The following XDH variants were observed in gnomAD, a reference collection of about 807,000 sequenced individuals.
XDH encodes xanthine dehydrogenase/oxidase.
XDH carries 138 observed loss-of-function variants against 156.1 expected under a neutral mutation model. The ratio of observed to expected loss-of-function variants is 0.88; its 90% CI spans 0.77 to 1.02. XDH has a LOEUF of 1.02. Ranked by LOEUF, XDH falls within the 50% of genes least tolerant of loss-of-function variation. XDH has a pLI of 0.00. For synonymous variants in XDH, 669 were observed against 625.7 expected, an observed-to-expected ratio of 1.07 and a Z score of -1.03; for missense variants, 1,849 against 1,684.9, an observed-to-expected ratio of 1.10 and a Z score of -1.71.
intron 9 of XDH, among the ~76,000 whole-genome samples, chr2:31,385,519 G>A (rs556249391): frequency 4.7e-4 from 72 of 152,330 alleles, no homozygotes; most frequent in African/African-American, 1.7e-3. Flanking sequence ...GGACCTGACT[G>A]CTTAGAAGGA....
In XDH at chr2:31,402,177, C is replaced by T. The variant is rs143779647; in HGVS notation, c.198-849G>A. Among the ~76,000 whole-genome samples the T allele has an allele frequency of 4.5e-3, 679 of 152,228 alleles. 4 individuals are homozygous for T. Among genetic ancestry groups the T allele is most frequent in the African/African-American group, 0.015 (618 of 41,536 alleles). On this transcript the variant is annotated intron_variant, in intron 3 of 35. Coordinates refer to ENST00000379416, the MANE Select transcript of XDH (RefSeq NM_000379.4). The stretch of plus-strand genomic sequence containing the variant: ...ATCTTTATATTAAAAAAAAGCCTTA[C>T]GATCAACCAATCAGAAGTAGTCAAC...
At chr2:31,385,114 T>A (rs372353743) in intron 9 of XDH, among the ~76,000 whole-genome samples, 1 of 152,248 alleles carries the variant, frequency 6.6e-6, no homozygotes, top group East Asian at 1.9e-4. Flanking sequence ...GGGGACCACA[T>A]GAGCCCATGA....
At chr2:31,350,595 C>G (rs1049201342) in intron 24 of XDH, among the ~76,000 whole-genome samples, 4 of 151,868 alleles carry the variant, frequency 2.6e-5, no homozygotes, top group Admixed American at 1.3e-4. Context: ...TGGAAGGTCT[C>G]GATCTCCTGA....
At chr2:31,338,603 C>T (rs1329791395) in intron 34 of XDH, among the ~76,000 whole-genome samples, 2 of 151,148 alleles carry the variant, frequency 1.3e-5, no homozygotes, top group African/African-American at 4.9e-5. Flanking sequence ...TGCCTTCCTT[C>T]TTCAAACTAG....
At chr2:31,364,971 G>A (rs1237888644) in intron 23 of XDH, among the ~76,000 whole-genome samples, 1 of 152,214 alleles carries the variant, frequency 6.6e-6, no homozygotes, top group East Asian at 1.9e-4. Context: ...CAGAAACCCA[G>A]AAGAGGGACT....
In XDH at chr2:31,346,969, C is replaced by T; in HGVS notation, c.3277-126G>A. 4.1e-6 allele frequency: 5 copies of T among 1,206,788 alleles called. No individual in the cohort carries two copies. In the South Asian group the frequency reaches 5.0e-5, roughly 12 times the overall value. The allele number at this position is 1,206,788 out of a possible 1,614,324, so 74.8% of individuals were successfully genotyped here. A position where few individuals can be genotyped will look rare whatever the true frequency, so the allele number is the denominator to read the frequency against. ...TGTACCCAGGGTGCCACTCAAACAG[C>T]CTGGCCACCCACTCCAGAATGATCA... On this transcript the variant is annotated intron_variant, in intron 29 of 35. Coordinates refer to ENST00000379416, the MANE Select transcript of XDH (RefSeq NM_000379.4).
At chr2:31,405,854 A>G in intron 2 of XDH, 53 bp downstream of exon 2, 1 of 1,603,178 alleles carries the variant, frequency 6.2e-7, no homozygotes, top group Non-Finnish European at 8.5e-7. Flanking sequence ...GGCCTACAGA[A>G]TCAGTCACCA....
chr2:31,385,485 C>A (rs535934278), intron 9 of XDH, among the ~76,000 whole-genome samples: 2 of 152,318 alleles, frequency 1.3e-5, no homozygotes, highest in Admixed American at 1.3e-4. Flanking sequence ...CAGGGCTTGG[C>A]AGCTCCTTCA....
At chr2:31,407,859 C>T (rs1379119155) in intron 1 of XDH, among the ~76,000 whole-genome samples, 2 of 152,170 alleles carry the variant, frequency 1.3e-5, no homozygotes, top group Non-Finnish European at 2.9e-5. Flanking sequence ...TATGTGATTA[C>T]ACCCCATGAG....
intron 13 of XDH, 123 bp downstream of exon 13, chr2:31,379,744 A>G (rs1686379070): frequency 2.0e-6 from 2 of 981,344 alleles, no homozygotes; most frequent in Non-Finnish European, 1.6e-6. Context: ...AGAGAGAAAA[A>G]TCATCAATGT....
intron 35 of XDH, among the ~76,000 whole-genome samples, chr2:31,336,484 C>T (rs775423619): frequency 5.3e-5 from 8 of 151,970 alleles, no homozygotes; most frequent in Non-Finnish European, 1.0e-4. Context: ...GGGAGCCATG[C>T]CACCCACTCC....
chr2:31,341,227 G>T, intron 33 of XDH, 102 bp downstream of exon 33: 1 of 1,208,146 alleles, frequency 8.3e-7, no homozygotes, highest in South Asian at 1.3e-5. Context: ...CAGCCTGTTT[G>T]AAGACAACCT....
At chr2:31,373,088 A>G (rs1032635670) in intron 16 of XDH, among the ~76,000 whole-genome samples, 5 of 152,242 alleles carry the variant, frequency 3.3e-5, no homozygotes, top group African/African-American at 1.2e-4. Flanking sequence ...TTATTAACAC[A>G]TTTAATCCTC....
chr2:31,411,875 A>C (rs1687351831), intron 1 of XDH, among the ~76,000 whole-genome samples: 1 of 152,224 alleles, frequency 6.6e-6, no homozygotes. Flanking sequence ...TTATTCCCCC[A>C]GTGCATATCC....
intron 16 of XDH, among the ~76,000 whole-genome samples, chr2:31,372,989 C>T (rs536056728): frequency 2.0e-5 from 3 of 152,074 alleles, no homozygotes; most frequent in African/African-American, 7.2e-5. Flanking sequence ...TAATAAAGTT[C>T]TGTTTTTGTT....
intron 6 of XDH, among the ~76,000 whole-genome samples, chr2:31,391,504 T>G (rs1226748931): frequency 1.3e-5 from 2 of 152,204 alleles, no homozygotes; most frequent in African/African-American, 4.8e-5. Flanking sequence ...CTTCTCCATA[T>G]AAACCTTAGG....
intron 2 of XDH, among the ~76,000 whole-genome samples, chr2:31,403,392 C>A (rs1687114326): frequency 6.6e-6 from 1 of 152,190 alleles, no homozygotes; most frequent in Non-Finnish European, 1.5e-5. Flanking sequence ...ATGGACAGCA[C>A]CCAAGTAGCA....
chr2:31,347,683 A>G (rs1685338560), intron 28 of XDH, 33 bp from the exon 29 acceptor site: 1 of 1,605,350 alleles, frequency 6.2e-7, no homozygotes, highest in Non-Finnish European at 8.5e-7. Flanking sequence ...CCTCTAGGGA[A>G]GGGGTTATCA....
intron 10 of XDH, 129 bp from the exon 11 acceptor site, chr2:31,383,281 G>A (rs1686490551): frequency 5.0e-6 from 7 of 1,410,018 alleles, no homozygotes; most frequent in Non-Finnish European, 4.9e-6. Flanking sequence ...TTCCATGGAT[G>A]AGGAAATGAG....
Sources: gnomAD v4.1 joint callset for allele counts (sites outside exome capture counted in the v4.1 genomes callset) on GRCh38, gnomAD v4.1.1 for gene constraint, MANE v1.5 for transcripts, NCBI Gene and HGNC (gene_info 2026-07-23, HGNC 2026-07-21) for gene names.